The following LCORL variants were observed in gnomAD, a reference collection of about 807,000 sequenced individuals.
The protein encoded by LCORL is ligand dependent nuclear receptor corepressor like, also known as ligand-dependent nuclear receptor corepressor-like protein.
In LCORL, 41 loss-of-function variants were observed where a neutral mutation model predicts 141.8. The ratio of observed to expected loss-of-function variants is 0.29; its 90% CI spans 0.23 to 0.38. The LOEUF (loss-of-function observed/expected upper bound fraction) is 0.38. Ranked by LOEUF, LCORL falls within the 10% of genes least tolerant of loss-of-function variation. The pLI is 1.00. For synonymous variants in LCORL, 618 were observed against 694.1 expected, an observed-to-expected ratio of 0.89 and a Z score of 1.72; for missense variants, 1,759 against 2,035.0, an observed-to-expected ratio of 0.86 and a Z score of 2.61.
intron 4 of LCORL, among the ~76,000 whole-genome samples, chr4:17,917,044 G>A (rs1186598846): frequency 6.6e-6 from 1 of 150,396 alleles, no homozygotes; most frequent in East Asian, 2.0e-4. Flanking sequence ...TGACAATCTC[G>A]GCTCATTGCA....
chr4:17,922,961 G>T (rs1734532525), intron 4 of LCORL, among the ~76,000 whole-genome samples: 1 of 152,190 alleles, frequency 6.6e-6, no homozygotes. Context: ...TGAGGCAAAA[G>T]TGATGGCCCC....
intron 1 of LCORL, among the ~76,000 whole-genome samples, chr4:17,996,616 T>C (rs1720956362): frequency 6.6e-6 from 1 of 152,074 alleles, no homozygotes; most frequent in African/African-American, 2.4e-5. Context: ...TTTATTCCTT[T>C]AAATGCAAGG....
intron 7 of LCORL, among the ~76,000 whole-genome samples, chr4:17,862,114 C>G (rs975627270): frequency 6.6e-6 from 1 of 152,114 alleles, no homozygotes; most frequent in Non-Finnish European, 1.5e-5. Context: ...CAGCAGCACC[C>G]CACTCTTGGT....
intron 7 of LCORL, among the ~76,000 whole-genome samples, chr4:17,852,715 A>G (rs1723905132): frequency 6.6e-6 from 1 of 152,176 alleles, no homozygotes; most frequent in African/African-American, 2.4e-5. Context: ...GTCCATCTCC[A>G]CCATCTGAAT....
intron 5 of LCORL, chr4:17,893,132 T>C (rs1729365165): frequency 6.6e-6 from 1 of 152,438 alleles, no homozygotes; most frequent in South Asian, 2.1e-4. Flanking sequence ...TACACCTACT[T>C]ACCAGTGTCA....
chr4:17,875,314 T>A, exon 7 of LCORL: 1 of 1,231,458 alleles, frequency 8.1e-7, no homozygotes, highest in African/African-American at 1.6e-5. Context: ...GGCTGAGGTA[T>A]CACAGATTTG....
chr4:17,954,562 T>G (rs1269217819), intron 4 of LCORL, among the ~76,000 whole-genome samples: 1 of 142,962 alleles, frequency 7.0e-6, no homozygotes, highest in Non-Finnish European at 1.5e-5. Context: ...TCATTTTTCT[T>G]TTTGCATAGA....
At chr4:17,921,873 G>GC (rs1208686125) in intron 4 of LCORL, among the ~76,000 whole-genome samples, 3 of 152,130 alleles carry the variant, frequency 2.0e-5, no homozygotes, top group African/African-American at 7.2e-5. Context: ...AAGTCTTCTG[G>GC]CCTCCATCCT....
At chr4:17,979,126 C>T (rs1270029606) in intron 1 of LCORL, among the ~76,000 whole-genome samples, 5 of 152,108 alleles carry the variant, frequency 3.3e-5, no homozygotes, top group Admixed American at 1.3e-4. Context: ...CAATTCCCAC[C>T]TATGAGTGAG....
At chr4:17,972,776 T>C (rs768926077) in intron 2 of LCORL, 44 bp downstream of exon 2, 10 of 949,892 alleles carry the variant, frequency 1.1e-5, no homozygotes, top group Admixed American at 1.0e-4. Context: ...ATTTGTTAAA[T>C]AGGATGGGAA....
intron 4 of LCORL, among the ~76,000 whole-genome samples, chr4:17,928,889 C>T (rs1735570989): frequency 6.6e-6 from 1 of 151,946 alleles, no homozygotes; most frequent in African/African-American, 2.4e-5. Context: ...ATCTTATATA[C>T]ATAAATTTCT....
At chr4:17,864,417 T>C (rs1166151939) in intron 7 of LCORL, among the ~76,000 whole-genome samples, 2 of 152,132 alleles carry the variant, frequency 1.3e-5, no homozygotes, top group East Asian at 1.9e-4. Flanking sequence ...AGTTTCACCA[T>C]GTTGCCCAGG....
At chr4:18,012,006 G>A (rs911851517) in intron 1 of LCORL, among the ~76,000 whole-genome samples, 1 of 152,162 alleles carries the variant, frequency 6.6e-6, no homozygotes, top group African/African-American at 2.4e-5. Context: ...TCCTACTCCT[G>A]TGTAAACAGT....
chr4:17,846,002 A>T (rs1260292114), intron 7 of LCORL, 101 bp from the exon 8 acceptor site: 2 of 896,766 alleles, frequency 2.2e-6, no homozygotes, highest in Non-Finnish European at 3.4e-6. Context: ...TGGACCTCTA[A>T]ATTTTAGCAT....
chr4:17,941,906 T>A, intron 4 of LCORL, among the ~76,000 whole-genome samples: 1 of 151,800 alleles, frequency 6.6e-6, no homozygotes, highest in East Asian at 1.9e-4. Flanking sequence ...TTAAGTATCA[T>A]AAATCTCTGA....
At chr4:17,879,915 A>T (rs1286659493) in intron 6 of LCORL, among the ~76,000 whole-genome samples, 1 of 151,076 alleles carries the variant, frequency 6.6e-6, no homozygotes, top group Non-Finnish European at 1.5e-5. Context: ...TAATAAAGCC[A>T]GGTATGTGGT....
At chr4:17,984,850 T>C (rs1718667136) in intron 1 of LCORL, among the ~76,000 whole-genome samples, 1 of 152,106 alleles carries the variant, frequency 6.6e-6, no homozygotes, top group African/African-American at 2.4e-5. Context: ...ACTTGTGACG[T>C]TAGGCTGTTA....
At chr4:17,924,936 T>C (rs776609209) in intron 4 of LCORL, among the ~76,000 whole-genome samples, 3 of 152,148 alleles carry the variant, frequency 2.0e-5, no homozygotes, top group Non-Finnish European at 4.4e-5. Flanking sequence ...GTTTCTCCCA[T>C]AGCCAGGATT....
At position 17,917,293 on chromosome 4, in the gene LCORL, A is replaced by G. The variant is rs374825935; in HGVS notation, c.431-7948T>C. 2.0e-5 allele frequency among the ~76,000 whole-genome samples: 3 copies of G among 152,126 alleles called. No homozygotes were observed. The East Asian group carries it at 5.8e-4, about 29-fold the overall frequency. ...TGGCTCACTCTGCCTCCTGGGTTCA[A>G]GTGATTCTCCTGCCTCAGCCTCCCC... On this transcript the variant is annotated intron_variant, in intron 4 of 7. Transcript: ENST00000635767.
Sources: gnomAD v4.1 joint callset for allele counts (sites outside exome capture counted in the v4.1 genomes callset) on GRCh38, gnomAD v4.1.1 for gene constraint, MANE v1.5 for transcripts, NCBI Gene and HGNC (gene_info 2026-07-23, HGNC 2026-07-21) for gene names.